Variants in PRPF18 observed in about 807,000 individuals in gnomAD.
PRPF18 encodes pre-mRNA-splicing factor 18.
Under a neutral mutation model 46.5 loss-of-function variants are expected in PRPF18, and 38 were observed. The ratio of observed to expected loss-of-function variants is 0.82; its 90% confidence interval spans 0.63 to 1.07. The LOEUF is 1.07. Ranked by LOEUF, PRPF18 falls within the 50% of genes least tolerant of loss-of-function variation. The probability of loss-of-function intolerance (pLI) is 0.00; values close to 1 mark genes in which losing one functional copy is unlikely to be tolerated. For synonymous variants in PRPF18, 152 were observed against 146.7 expected (o/e 1.04, Z -0.26); for missense variants, 263 against 410.0 (o/e 0.64, Z 3.10).
Position 13,610,788 on chromosome 10 carries a change from A to G in PRPF18, c.510+603A>G, listed in dbSNP as rs139995121. 4.6e-4 allele frequency among the ~76,000 whole-genome samples: 70 copies of G among 152,268 alleles called. No homozygotes were observed. In the South Asian group the frequency reaches 0.012, roughly 26 times the overall value. ...TATATATGTATATTTAACTTGTCTA[A>G]GTACTGCCAAGTTACTCTCTGGAAT... On this transcript the variant is annotated intron_variant, in intron 5 of 9. Transcript: ENST00000378572.
At chr10:13,619,745 CTG>C (rs1221235507) in intron 9 of PRPF18, among the ~76,000 whole-genome samples, 1 of 151,890 alleles carries the variant, frequency 6.6e-6, no homozygotes, top group African/African-American at 2.4e-5. Context: ...CTTGGCCTCT[CTG>C]TTGATGAATT....
intron 9 of PRPF18, among the ~76,000 whole-genome samples, chr10:13,625,168 A>T (rs1461182540): frequency 6.6e-6 from 1 of 152,100 alleles, no homozygotes; most frequent in African/African-American, 2.4e-5. Context: ...CTTCTCTACA[A>T]AAAATAAAAA....
chr10:13,627,674 A>C (rs1751658597), intron 9 of PRPF18, among the ~76,000 whole-genome samples: 1 of 152,252 alleles, frequency 6.6e-6, no homozygotes, highest in Non-Finnish European at 1.5e-5. Flanking sequence ...GACTAAAACA[A>C]TTGAGTTTCA....
At chr10:13,590,565 G>A (rs1353818497) in intron 1 of PRPF18, among the ~76,000 whole-genome samples, 1 of 149,204 alleles carries the variant, frequency 6.7e-6, no homozygotes, top group Non-Finnish European at 1.5e-5. Context: ...GGCTTGCAGT[G>A]AGCTGATATT....
At chr10:13,654,904 G>C in the PRPF18 span, 4 of 203,360 alleles carry the variant, frequency 2.0e-5, no homozygotes, top group African/African-American at 9.3e-5. Flanking sequence ...CTCATACAGG[G>C]AGGGCATATT....
rs1300281310 is a variant in PRPF18, at chr10:13,616,435, C to T, written c.830C>T (p.Ala277Val). ...DAYLQMAIGNAPWPIGVTMVG... is the reference protein window; with the variant it reads ...DAYLQMAIGNVPWPIGVTMVG... The stretch of plus-strand genomic sequence containing the variant: ...TATCTTCAGATGGCCATTGGAAATG[C>T]GCCTTGGCCCATCGGTGTCACTATG... Residue 277 changes from alanine to valine, a missense_variant, in exon 9 of 10, where the codon GCG becomes GTG. Ala to Val is a moderately conservative substitution (Grantham distance 64). This residue lies in a region of PRPF18 where 17 missense variants were observed against 74.2 expected (regional missense o/e 0.23). Coordinates refer to ENST00000378572, the MANE Select transcript of PRPF18 (RefSeq NM_003675.4). 5.0e-6 allele frequency: 8 copies of T among 1,611,808 alleles called. No individual in the cohort carries two copies. The highest frequency in any genetic ancestry group is 2.2e-5 in the East Asian group (1 of 44,862).
rs1029674241 is a variant in PRPF18 at position 13,630,374 on chromosome 10, A to G, written c.*34A>G. The G allele has an allele frequency of 3.3e-6, 5 of 1,527,972 alleles. No homozygotes were observed. In the African/African-American group the frequency reaches 5.5e-5, roughly 17 times the overall value. 94.7% of individuals were successfully genotyped at this position (1,527,972 alleles called of 1,614,324 possible). A position where few individuals can be genotyped will look rare whatever the true frequency, so the allele number is the denominator to read the frequency against. ...TATGGTGTGTTAATAACAATAAGAA[A>G]CTTAGGGAAGCAGGCTGTGGACTTC... On this transcript the variant is annotated 3_prime_UTR_variant, in exon 10 of 10. Coordinates refer to ENST00000378572, the MANE Select transcript of PRPF18 (RefSeq NM_003675.4).
chr10:13,616,665 T>C lies in PRPF18; in HGVS notation c.948+112T>C. Reference sequence around the variant, plus strand: ...TTACAGCAAATAGAACATAGCGTGATAGGATGGAAGTCCCCTCTGGATAAG... The same window carrying C: ...TTACAGCAAATAGAACATAGCGTGACAGGATGGAAGTCCCCTCTGGATAAG... On this transcript the variant is annotated intron_variant, in intron 9 of 9. Coordinates refer to ENST00000378572, the MANE Select transcript of PRPF18 (RefSeq NM_003675.4). 10 of 1,379,996 alleles carry C rather than the reference T, an allele frequency of 7.2e-6. No homozygotes were observed. The South Asian group carries it at 1.1e-4, about 16-fold the overall frequency. The allele number at this position is 1,379,996 out of a possible 1,614,324, so 85.5% of individuals were successfully genotyped here.
chr10:13,655,011 C>G, the PRPF18 span: 1 of 160,322 alleles, frequency 6.2e-6, no homozygotes, highest in Admixed American at 5.8e-5. Flanking sequence ...AGAGCCTGCT[C>G]TCTCTGCTGT....
intron 4 of PRPF18, among the ~76,000 whole-genome samples, chr10:13,609,769 G>A (rs2080244894): frequency 6.6e-6 from 1 of 152,142 alleles, no homozygotes; most frequent in Admixed American, 6.5e-5. Flanking sequence ...TTCTTACTTG[G>A]ATTTGTCACT....
At position 13,614,100 on chromosome 10, in the gene PRPF18, C is replaced by G; in HGVS notation, c.792+14C>G. 1 of 1,538,108 alleles carries G rather than the reference C, an allele frequency of 6.5e-7. No individual in the cohort carries two copies. On this transcript the variant is annotated intron_variant, in intron 8 of 9. Coordinates refer to ENST00000378572, the MANE Select transcript of PRPF18 (RefSeq NM_003675.4). Reference sequence around the variant, plus strand: ...GAATACGTGAAGGTACATTCCCATGCTGTTCTTTGAAATTGTTAAGAGTAT... The same window carrying G: ...GAATACGTGAAGGTACATTCCCATGGTGTTCTTTGAAATTGTTAAGAGTAT...
the PRPF18 span, chr10:13,637,057 T>G: frequency 2.6e-5 from 4 of 151,652 alleles, no homozygotes; most frequent in African/African-American, 9.6e-5. Context: ...TCAGTCTTGA[T>G]GCTGTGTCTC....
At chr10:13,651,816 C>T in the PRPF18 span, 1 of 772,388 alleles carries the variant, frequency 1.3e-6, no homozygotes, top group Non-Finnish European at 2.4e-6. Context: ...TCAGATGTAT[C>T]CTTGTGGAAA....
At chr10:13,645,010 A>T in the PRPF18 span, 1 of 152,030 alleles carries the variant, frequency 6.6e-6, no homozygotes, top group African/African-American at 2.4e-5. Flanking sequence ...GCAGGCCCTG[A>T]ATTGTCTAGA....
intron 1 of PRPF18, chr10:13,591,985 A>G: frequency 2.2e-6 from 2 of 918,238 alleles, no homozygotes; most frequent in Non-Finnish European, 1.7e-6. Context: ...TCAGTAGGAA[A>G]ATATCTAGGC....
intron 3 of PRPF18, among the ~76,000 whole-genome samples, chr10:13,601,022 C>T (rs546924556): frequency 1.4e-4 from 21 of 152,242 alleles, no homozygotes; most frequent in African/African-American, 4.1e-4. Context: ...CTCAAGTGAT[C>T]CACCTGTCTC....
chr10:13,639,827 A>G, the PRPF18 span: 1 of 152,128 alleles, frequency 6.6e-6, no homozygotes, highest in Admixed American at 6.6e-5. Context: ...GTTAGGGTAT[A>G]CCAGGATTGG....
rs1351142781 is a variant in PRPF18 at position 13,616,570 on chromosome 10, G to C, written c.948+17G>C. On this transcript the variant is annotated intron_variant, in intron 9 of 9. Transcript: ENST00000378572. Reference sequence around the variant, plus strand: ...TATATTCAGGTAAGCAGTTTGGAGAGCCGGGAATTGCCCTGGAAGTGAATA... The same window carrying C: ...TATATTCAGGTAAGCAGTTTGGAGACCCGGGAATTGCCCTGGAAGTGAATA... 1 of 1,612,572 alleles carries C rather than the reference G, an allele frequency of 6.2e-7. No individual in the cohort carries two copies. Among genetic ancestry groups the C allele is most frequent in the East Asian group, 2.2e-5 (1 of 44,862 alleles).
chr10:13,646,118 C>T, the PRPF18 span: 1 of 152,648 alleles, frequency 6.6e-6, no homozygotes, highest in African/African-American at 2.4e-5. Flanking sequence ...CCAGCCAAGA[C>T]TTCCTCGCCT....
Sources: allele counts gnomAD v4.1 joint callset (sites outside exome capture counted in the v4.1 genomes callset), GRCh38; gene constraint gnomAD v4.1.1; regional missense constraint gnomAD v4.1.1; transcripts MANE v1.5; gene names NCBI Gene and HGNC (gene_info 2026-07-23, HGNC 2026-07-21).